The following PCSK9 variants were observed in gnomAD, a reference collection of about 807,000 sequenced individuals.
PCSK9 encodes convertase subtilisin/kexin type 9 preproprotein.
PCSK9 carries 57 observed loss-of-function variants against 62.1 expected under a neutral mutation model. That is an observed-to-expected ratio of 0.92 (90% confidence interval 0.74 to 1.14). PCSK9 has a LOEUF of 1.14. PCSK9 is among the 50% of genes most tolerant of loss of function. The probability of loss-of-function intolerance (pLI) is 0.00; values close to 1 mark genes in which losing one functional copy is unlikely to be tolerated. For missense variants in PCSK9, 870 were observed against 959.8 expected, an observed-to-expected ratio of 0.91 and a Z score of 1.24; for synonymous variants, 387 against 409.4, an observed-to-expected ratio of 0.95 and a Z score of 0.66.
At chr1:55,055,008 A>AG (rs1287599186) in intron 5 of PCSK9, among the ~76,000 whole-genome samples, 2 of 99,368 alleles carry the variant, frequency 2.0e-5, no homozygotes, top group Non-Finnish European at 5.0e-5. Flanking sequence ...CCGTCTGGAA[A>AG]GAAAAAAAAA....
At chr1:55,060,500 G>T (rs1644750950) in intron 10 of PCSK9, among the ~76,000 whole-genome samples, 1 of 152,216 alleles carries the variant, frequency 6.6e-6, no homozygotes, top group African/African-American at 2.4e-5. Context: ...GGATGTTCAG[G>T]AAAGATGAGC....
intron 2 of PCSK9, among the ~76,000 whole-genome samples, chr1:55,045,800 C>T (rs535518776): frequency 1.3e-5 from 2 of 151,900 alleles, no homozygotes; most frequent in South Asian, 4.2e-4. Flanking sequence ...ACCTCTGCCT[C>T]CCGGGTTCAA....
At position 55,039,948 on chromosome 1, in the gene PCSK9, C is replaced by A. The variant is rs1210705445; in HGVS notation, c.111C>A (p.Asp37Glu). ...GTGCGCAGGAGGACGAGGACGGCGACTACGAGGAGCTGGTGCTAGCCTTGC... is the reference window on the plus strand; with the variant it reads ...GTGCGCAGGAGGACGAGGACGGCGAATACGAGGAGCTGGTGCTAGCCTTGC... ...GARAQEDEDG[D>E]YEELVLALRS... Residue 37 changes from aspartate (D) to glutamate (E), a missense_variant, in exon 1 of 12, where the codon GAC (aspartate) becomes GAA (glutamate). Coordinates refer to ENST00000302118, the MANE Select transcript of PCSK9 (RefSeq NM_174936.4). 4 of 1,575,026 alleles carry A rather than the reference C, an allele frequency of 2.5e-6. No homozygotes were observed. The highest frequency in any genetic ancestry group is 1.2e-5 in the South Asian group (1 of 85,682).
chr1:55,042,149 G>A (rs558384375), intron 1 of PCSK9, among the ~76,000 whole-genome samples: 16 of 151,932 alleles, frequency 1.1e-4, no homozygotes, highest in East Asian at 1.9e-4. Context: ...GTTTCACCAC[G>A]TTGGCCAGGC....
intron 10 of PCSK9, 108 bp from the exon 11 acceptor site, chr1:55,061,267 T>A: frequency 8.0e-7 from 1 of 1,253,848 alleles, no homozygotes; most frequent in Non-Finnish European, 1.1e-6. Flanking sequence ...GTTTCTAGGT[T>A]TCCTAGCTCT....
At chr1:55,061,860 C>A (rs1221714120) in intron 11 of PCSK9, among the ~76,000 whole-genome samples, 5 of 152,196 alleles carry the variant, frequency 3.3e-5, no homozygotes, top group Non-Finnish European at 5.9e-5. Context: ...ATTGATTGAT[C>A]TATTTTTTTC....
At chr1:55,051,697 T>G (rs554139080) in intron 3 of PCSK9, 3 of 207,488 alleles carry the variant, frequency 1.4e-5, no homozygotes, top group East Asian at 1.4e-4. Context: ...TCTCTGAGGT[T>G]GTGACTCGTG....
Position 55,039,702 on chromosome 1 carries a change from C to A in PCSK9, c.-136C>A. The A allele has an allele frequency of 9.5e-7, 1 of 1,055,436 alleles. No homozygotes were observed. The highest frequency in any genetic ancestry group is 1.6e-5 in the South Asian group (1 of 63,604). The allele number at this position is 1,055,436 out of a possible 1,614,324, so 65.4% of individuals were successfully genotyped here. ...CAGCTCCCAGCCAGGATTCCGCGCG[C>A]CCCTTCACGCGCCCTGCTCCTGAAC... is the stretch of plus-strand genomic sequence containing the variant. On this transcript the variant is annotated 5_prime_UTR_variant, in exon 1 of 12. Transcript: ENST00000302118.
rs533273863 is a variant in PCSK9 at position 55,046,643 on chromosome 1, C to T, written c.520C>T (p.Pro174Ser). The change falls in exon 3 of 12, where the codon CCC (proline) becomes TCC (serine). Residue 174 changes from proline to serine, a missense_variant. Pro to Ser is a moderately conservative substitution (Grantham distance 74). Coordinates refer to ENST00000302118, the MANE Select transcript of PCSK9 (RefSeq NM_174936.4). ...GTACCGGGCGGATGAATACCAGCCC[C>T]CCGGTAAGACCCCCATCTGTGCCCT... is the stretch of plus-strand genomic sequence containing the variant. ...PRYRADEYQP[P>S]DGGSLVEVYL... 202 of 1,613,846 alleles carry T rather than the reference C, an allele frequency of 1.3e-4. No individual in the cohort carries two copies. Among genetic ancestry groups the T allele is most frequent in the Middle Eastern group, 4.9e-4 (3 of 6,062 alleles).
rs763241481 is a variant in PCSK9, at chr1:55,059,481, C to G, written c.1504-5C>G. ...CAGATTCCCATTTCCGTCTTTGACT[C>G]TAAGGCCCAAGGGGGCAAGCTGGTC... On this transcript the variant is annotated splice_polypyrimidine_tract_variant and splice_region_variant and intron_variant, in intron 9 of 11. Coordinates refer to ENST00000302118, the MANE Select transcript of PCSK9 (RefSeq NM_174936.4). The G allele has an allele frequency of 6.2e-5, 97 of 1,560,720 alleles. 1 individual carries two copies. The South Asian group carries it at 1.1e-3, about 18-fold the overall frequency.
At chr1:55,055,360 C>G (rs1384112412) in intron 5 of PCSK9, among the ~76,000 whole-genome samples, 1 of 152,200 alleles carries the variant, frequency 6.6e-6, no homozygotes, top group African/African-American at 2.4e-5. Context: ...CTTCTCATTC[C>G]TCTGAGGCTC....
intron 6 of PCSK9, among the ~76,000 whole-genome samples, chr1:55,056,634 G>A (rs900214547): frequency 6.6e-6 from 1 of 152,168 alleles, no homozygotes; most frequent in Non-Finnish European, 1.5e-5. Flanking sequence ...AATGTGAATG[G>A]GAGCGGTTGA....
intron 11 of PCSK9, 124 bp from the exon 12 acceptor site, chr1:55,063,245 T>C (rs1271182040): frequency 1.7e-5 from 18 of 1,048,736 alleles, no homozygotes; most frequent in Non-Finnish European, 2.3e-5. Context: ...CCAAATGGGC[T>C]CTGAGCCAGC....
At chr1:55,057,260 A>T (rs895845972) in intron 6 of PCSK9, 71 bp from the exon 7 acceptor site, 1 of 1,532,900 alleles carries the variant, frequency 6.5e-7, no homozygotes. Flanking sequence ...CCAGCTGGCA[A>T]GGCCTGAGTC....
intron 6 of PCSK9, among the ~76,000 whole-genome samples, chr1:55,056,420 G>A (rs1176872870): frequency 6.6e-6 from 1 of 152,058 alleles, no homozygotes; most frequent in East Asian, 1.9e-4. Context: ...AATAGCAGTG[G>A]CCCCGCCATG....
chr1:55,061,154 A>T (rs1017424093), intron 10 of PCSK9, among the ~76,000 whole-genome samples: 2 of 152,280 alleles, frequency 1.3e-5, no homozygotes, highest in African/African-American at 4.8e-5. Context: ...TAAGGCTCAG[A>T]GAGGTTGAAT....
chr1:55,046,242 T>G (rs1644633851), intron 2 of PCSK9, among the ~76,000 whole-genome samples: 1 of 152,266 alleles, frequency 6.6e-6, no homozygotes, highest in Admixed American at 6.5e-5. Context: ...TGGCACAGCC[T>G]GGCTCCCAGA....
Position 55,052,837 on chromosome 1 carries a change from C to T in PCSK9, c.799+46C>T, listed in dbSNP as rs1429605554. 7 of 1,612,354 alleles carry T rather than the reference C, an allele frequency of 4.3e-6. No individual in the cohort carries two copies. The African/African-American group carries it at 8.0e-5, about 18-fold the overall frequency. On this transcript the variant is annotated intron_variant, in intron 5 of 11. Transcript: ENST00000302118. ...CTGGTCTCTCTCCATCTGGACCTGG[C>T]CTGGGAGGTGGCTTGGGCTGGGCCC...
intron 7 of PCSK9, 65 bp downstream of exon 7, chr1:55,057,579 G>C: frequency 3.9e-6 from 6 of 1,534,490 alleles, no homozygotes; most frequent in Non-Finnish European, 5.3e-6. Context: ...GTCAGGGTCT[G>C]TGCCGGGACC....
Sources: allele counts gnomAD v4.1 joint callset (sites outside exome capture counted in the v4.1 genomes callset), GRCh38; gene constraint gnomAD v4.1.1; transcripts MANE v1.5; gene names NCBI Gene and HGNC (gene_info 2026-07-23, HGNC 2026-07-21).